UNC80: variants seen among roughly 807,000 people sequenced by gnomAD.
UNC80 encodes protein unc-80 homolog.
UNC80 carries 164 observed loss-of-function variants against 384.6 expected under a neutral mutation model. That is an observed-to-expected ratio of 0.43 (90% confidence interval 0.38 to 0.49). The LOEUF (loss-of-function observed/expected upper bound fraction) is 0.49, where lower values mean the gene tolerates loss of function less well. Among genes scored for constraint, UNC80 ranks in the 20% least tolerant of loss-of-function variants. The pLI, the probability that UNC80 is intolerant of heterozygous loss-of-function variation, is 0.00. For synonymous variants in UNC80, 1,486 were observed against 1,527.8 expected (o/e 0.97, Z 0.64); for missense variants, 3,330 against 4,143.0 (o/e 0.80, Z 5.39).
chr2:209,818,974 A>G lies in UNC80; in HGVS notation c.1694-19A>G. 6.5e-7 allele frequency: 1 copy of G among 1,548,674 alleles called. No homozygotes were observed. The highest frequency in any genetic ancestry group is 8.7e-7 in the Non-Finnish European group (1 of 1,144,870). ...AGGTTAATGTAGGGAGAACTAAGAC[A>G]TTGCTTTCATTTTATTAGTGCGATC... On this transcript the variant is annotated intron_variant, in intron 11 of 64. Coordinates refer to ENST00000673920, the MANE Select transcript of UNC80 (RefSeq NM_001371986.1).
intron 23 of UNC80, among the ~76,000 whole-genome samples, 171 bp downstream of exon 23, chr2:209,873,141 A>G (rs2084451541): frequency 6.6e-6 from 1 of 152,202 alleles, no homozygotes; most frequent in African/African-American, 2.4e-5. Context: ...GTCCCAATAA[A>G]TCTATGAGGT....
At chr2:209,781,212 T>C (rs1433446786) in intron 4 of UNC80, among the ~76,000 whole-genome samples, 1 of 152,194 alleles carries the variant, frequency 6.6e-6, no homozygotes, top group Non-Finnish European at 1.5e-5. Context: ...TATTTGCCTC[T>C]ATTATGTGAC....
At chr2:209,911,279 G>T (rs1041903878) in intron 29 of UNC80, among the ~76,000 whole-genome samples, 3 of 152,080 alleles carry the variant, frequency 2.0e-5, no homozygotes, top group Non-Finnish European at 4.4e-5. Flanking sequence ...TATGATTTTA[G>T]AACAGTCTTC....
chr2:209,931,145 A>T (rs1575057210), intron 38 of UNC80, 91 bp downstream of exon 38: 1 of 977,680 alleles, frequency 1.0e-6, no homozygotes, highest in South Asian at 1.6e-5. Flanking sequence ...CATTAATTAC[A>T]TTACTAAAGG....
chr2:209,974,446 C>T (rs925212446), intron 56 of UNC80, among the ~76,000 whole-genome samples: 2 of 152,178 alleles, frequency 1.3e-5, no homozygotes, highest in Non-Finnish European at 2.9e-5. Flanking sequence ...TCACCATGTA[C>T]AGGAAGGATA....
chr2:209,812,493 T>C (rs1246066122), intron 7 of UNC80, among the ~76,000 whole-genome samples: 3 of 152,160 alleles, frequency 2.0e-5, no homozygotes, highest in Non-Finnish European at 4.4e-5. Context: ...AAATCCCTAC[T>C]CACTCTCTGT....
Position 209,976,316 on chromosome 2 carries a change from C to T in UNC80, c.8772+13C>T. The T allele has an allele frequency of 6.4e-7, 1 of 1,551,638 alleles. No homozygotes were observed. The highest frequency in any genetic ancestry group is 8.7e-7 in the Non-Finnish European group (1 of 1,146,982). On this transcript the variant is annotated intron_variant, in intron 57 of 64. Transcript: ENST00000673920. This position sits in a 1 kb window ranked among gnomAD's most constrained non-coding sequence, Gnocchi z 4.3. ...CATCCAGTGCAAGGTGTGGTGTGTG[C>T]TTCTCCTCCTGAAAGTGGCAAGCTC...
At chr2:209,895,093 T>A (rs548094373) in intron 27 of UNC80, among the ~76,000 whole-genome samples, 118 of 152,196 alleles carry the variant, frequency 7.8e-4, no homozygotes, top group Non-Finnish European at 1.3e-3. Flanking sequence ...AGTTATAGAT[T>A]GTCATTGTAG....
In UNC80 at chr2:209,805,496, C is replaced by T. The variant is rs180816671; in HGVS notation, c.939-8084C>T. On this transcript the variant is annotated intron_variant, in intron 7 of 64. Transcript: ENST00000673920. The stretch of plus-strand genomic sequence containing the variant: ...TGAGTGATTGTGGCACAGAGTCTCT[C>T]AAGCTGTTGGCCAGGCCTGCAGGTA... Among the ~76,000 whole-genome samples the T allele has an allele frequency of 2.6e-3, 396 of 152,324 alleles. 3 individuals are homozygous for T. The highest frequency in any genetic ancestry group is 1.9e-3 in the Non-Finnish European group (127 of 68,032).
intron 25 of UNC80, among the ~76,000 whole-genome samples, chr2:209,887,007 T>C (rs760984686): frequency 6.6e-6 from 1 of 152,128 alleles, no homozygotes; most frequent in Non-Finnish European, 1.5e-5. Context: ...TCTTGGCTTA[T>C]AGCCCTTTCC....
In UNC80 at chr2:209,773,241, C is replaced by A. The variant is rs534815275; in HGVS notation, c.141+99C>A. 6.2e-4 allele frequency: 637 copies of A among 1,026,654 alleles called. 6 individuals carry two copies. The highest frequency in any genetic ancestry group is 5.6e-3 in the South Asian group (379 of 67,750). The allele number at this position is 1,026,654 out of a possible 1,614,324, so 63.6% of individuals were successfully genotyped here. A position where few individuals can be genotyped will look rare whatever the true frequency, so the allele number is the denominator to read the frequency against. On this transcript the variant is annotated intron_variant, in intron 2 of 64. Transcript: ENST00000673920. ...ATCAAACGGACTATATATATTAATT[C>A]ACTTGGCAAATATTATTGATCACCC...
intron 4 of UNC80, among the ~76,000 whole-genome samples, chr2:209,778,596 C>G (rs2076993706): frequency 6.6e-6 from 1 of 152,180 alleles, no homozygotes; most frequent in South Asian, 2.1e-4. Flanking sequence ...ACTGTGCCAT[C>G]ACTTTTTAGC....
Position 209,860,041 on chromosome 2 carries a change from T to C in UNC80, c.3627+10418T>C, listed in dbSNP as rs183792700. On this transcript the variant is annotated intron_variant, in intron 22 of 64. Coordinates refer to ENST00000673920, the MANE Select transcript of UNC80 (RefSeq NM_001371986.1). ...CTCTTTAGTTTAATTATATCCCATT[T>C]GTCGATTTTTGCTTTTGTTGCAATT... Among the ~76,000 whole-genome samples the C allele has an allele frequency of 2.0e-3, 299 of 152,314 alleles. 1 individual carries two copies. Among genetic ancestry groups the C allele is most frequent in the African/African-American group, 6.7e-3 (280 of 41,568 alleles).
At chr2:209,899,874 G>A (rs764527749) in intron 28 of UNC80, among the ~76,000 whole-genome samples, 3 of 152,104 alleles carry the variant, frequency 2.0e-5, no homozygotes, top group Non-Finnish European at 4.4e-5. Context: ...AGTGTCAGTC[G>A]GACTTATTTG....
chr2:209,991,008 A>G (rs771526238), intron 61 of UNC80, among the ~76,000 whole-genome samples: 28 of 152,200 alleles, frequency 1.8e-4, no homozygotes, highest in Non-Finnish European at 3.5e-4. Context: ...TGATTAACCA[A>G]TTATTAACAC....
intron 13 of UNC80, among the ~76,000 whole-genome samples, chr2:209,821,016 C>A (rs1200435231): frequency 3.3e-5 from 5 of 152,174 alleles, no homozygotes; most frequent in African/African-American, 1.2e-4. Flanking sequence ...AGACTCTGAC[C>A]TAATTGAAGA....
intron 25 of UNC80, among the ~76,000 whole-genome samples, chr2:209,881,749 T>C (rs1184344534): frequency 6.6e-6 from 1 of 152,120 alleles, no homozygotes. Flanking sequence ...ACCAGGCATG[T>C]TCACAGAGTG....
chr2:209,937,593 T>C lies in UNC80; in HGVS notation c.6428T>C (p.Met2143Thr), dbSNP rs751559981. The C allele has an allele frequency of 2.0e-5, 31 of 1,551,848 alleles. No homozygotes were observed. The Admixed American group carries it at 5.7e-4, about 28-fold the overall frequency. ...TCTCCCCAGCTGAATCTTGTACATA[T>C]GCATCCAGAGAAGGGACAGGAGCTC... ...SVSPQLNLVH[M>T]HPEKGQELIQ... The change falls in exon 42 of 65, where the codon ATG becomes ACG. Residue 2143 changes from methionine to threonine, a missense_variant. Coordinates refer to ENST00000673920, the MANE Select transcript of UNC80 (RefSeq NM_001371986.1).
chr2:209,992,133 C>T (rs1173360065), intron 61 of UNC80, 33 bp from the exon 62 acceptor site: 1 of 1,538,010 alleles, frequency 6.5e-7, no homozygotes. Flanking sequence ...TGTACTCTCT[C>T]CGGGGTACAC....
Sources: allele counts gnomAD v4.1 joint callset (sites outside exome capture counted in the v4.1 genomes callset), GRCh38; gene constraint gnomAD v4.1.1; non-coding constraint Gnocchi (gnomAD v3.1); transcripts MANE v1.5; gene names NCBI Gene and HGNC (gene_info 2026-07-23, HGNC 2026-07-21).